VCL: variants seen among roughly 807,000 people sequenced by gnomAD.
VCL encodes vinculin, also known as epididymis luminal protein 114.
A neutral mutation model predicts 125.7 loss-of-function variants in VCL; 47 were observed. That is an observed-to-expected ratio of 0.37 (90% CI 0.30 to 0.48). The LOEUF (loss-of-function observed/expected upper bound fraction) is 0.48. Ranked by LOEUF, VCL falls within the 20% of genes least tolerant of loss-of-function variation. The probability of loss-of-function intolerance (pLI) is 0.99; values close to 1 mark genes in which losing one functional copy is unlikely to be tolerated. For missense variants in VCL, 1,069 were observed against 1,455.5 expected (o/e 0.73, Z 4.32); for synonymous variants, 458 against 514.6 (o/e 0.89, Z 1.49).
intron 8 of VCL, among the ~76,000 whole-genome samples, chr10:74,086,034 A>G (rs951647653): frequency 2.0e-5 from 3 of 152,036 alleles, no homozygotes; most frequent in Admixed American, 6.5e-5. Flanking sequence ...TGCCTGGCTA[A>G]TTTTTGTATT....
At chr10:74,114,414 TG>T in intron 20 of VCL, 27 bp downstream of exon 20, 1 of 1,163,214 alleles carries the variant, frequency 8.6e-7, no homozygotes. Flanking sequence ...GCTGCGTGTG[TG>T]TGTGTGTGTG....
At chr10:74,013,903 T>A (rs1840484491) in intron 1 of VCL, among the ~76,000 whole-genome samples, 1 of 151,630 alleles carries the variant, frequency 6.6e-6, no homozygotes, top group Non-Finnish European at 1.5e-5. Flanking sequence ...AGTGTTGATT[T>A]AAAAAAAAAA....
At position 74,043,105 on chromosome 10, in the gene VCL, C is replaced by A; in HGVS notation, c.191C>A (p.Thr64Asn). ...TAGGTTGGAAAAGAGACTGTTCAAA[C>A]CACTGAGGATCAGATTTTGAAGAGA... ...LVRVGKETVQ[T>N]TEDQILKRDM... Residue 64 changes from threonine (T) to asparagine (N), a missense_variant, in exon 2 of 22, where the codon ACC (threonine) becomes AAC (asparagine). By Grantham distance (65) the Thr-to-Asn change is moderately conservative. Transcript: ENST00000211998. 3.1e-6 allele frequency: 5 copies of A among 1,613,272 alleles called. No individual in the cohort carries two copies. The highest frequency in any genetic ancestry group is 4.2e-6 in the Non-Finnish European group (5 of 1,179,604).
chr10:74,065,087 A>G (rs2136268518), intron 2 of VCL, among the ~76,000 whole-genome samples: 1 of 152,242 alleles, frequency 6.6e-6, no homozygotes, highest in East Asian at 1.9e-4. Flanking sequence ...TTTATTAATA[A>G]AAGAAAAATG....
At chr10:74,025,152 G>T (rs954095392) in intron 1 of VCL, among the ~76,000 whole-genome samples, 14 of 152,114 alleles carry the variant, frequency 9.2e-5, no homozygotes, top group African/African-American at 3.1e-4. Context: ...AACTAGCTGG[G>T]ATTACAGGTG....
rs965054827 is a variant in VCL, at chr10:74,118,541, G to T, written c.*372G>T. 3.2e-6 allele frequency: 1 copy of T among 313,612 alleles called. No homozygotes were observed. 19.4% of individuals were successfully genotyped at this position (313,612 alleles called of 1,614,324 possible). On this transcript the variant is annotated 3_prime_UTR_variant, in exon 22 of 22. Transcript: ENST00000211998. Reference sequence around the variant, plus strand: ...ACTTCCCTCTGTTTCTCTTTCCTTGGCTCCCATTCACTCTTCCAGAATCCC... The same window carrying T: ...ACTTCCCTCTGTTTCTCTTTCCTTGTCTCCCATTCACTCTTCCAGAATCCC...
intron 18 of VCL, among the ~76,000 whole-genome samples, chr10:74,111,067 G>C (rs1269603184): frequency 6.6e-6 from 1 of 152,144 alleles, no homozygotes; most frequent in African/African-American, 2.4e-5. Flanking sequence ...AGCAATTTAG[G>C]TTGTACCCAA....
At chr10:74,096,156 T>TTC (rs1839965814) in intron 12 of VCL, among the ~76,000 whole-genome samples, 1 of 151,962 alleles carries the variant, frequency 6.6e-6, no homozygotes, top group African/African-American at 2.4e-5. Flanking sequence ...TGGACTTTTT[T>TTC]TTTTTTTTTA....
chr10:74,105,369 C>CTT lies in VCL; in HGVS notation c.2434+16_2434+17insTT, dbSNP rs752658917. The CTT allele has an allele frequency of 6.2e-7, 1 of 1,611,952 alleles. No homozygotes were observed. The highest frequency in any genetic ancestry group is 1.7e-5 in the Admixed American group (1 of 60,022). Reference sequence around the variant, plus strand: ...TCCGACCCTGGTAAGCAATGCATGGCACTATGTCTCACCTCCACTGAGAGG... The same window carrying CTT: ...TCCGACCCTGGTAAGCAATGCATGGCTTACTATGTCTCACCTCCACTGAGAGG... On this transcript the variant is annotated intron_variant, in intron 16 of 21. Transcript: ENST00000211998.
At chr10:74,087,010 C>A (rs1039084389) in intron 8 of VCL, among the ~76,000 whole-genome samples, 1 of 151,850 alleles carries the variant, frequency 6.6e-6, no homozygotes, top group African/African-American at 2.4e-5. Context: ...CAGTTGGACT[C>A]TTTTTTAAAA....
At chr10:74,006,440 TC>T (rs1840325964) in intron 1 of VCL, among the ~76,000 whole-genome samples, 1 of 152,244 alleles carries the variant, frequency 6.6e-6, no homozygotes, top group African/African-American at 2.4e-5. Flanking sequence ...GATTGGGTCC[TC>T]CTGTTACAGT....
At chr10:74,000,117 A>G (rs1840199618) in intron 1 of VCL, among the ~76,000 whole-genome samples, 1 of 152,234 alleles carries the variant, frequency 6.6e-6, no homozygotes, top group African/African-American at 2.4e-5. Flanking sequence ...GCCATGAATT[A>G]ATAAGCATTG....
chr10:74,107,856 C>T (rs1874151), intron 17 of VCL, among the ~76,000 whole-genome samples: 80,397 of 151,794 alleles, frequency 0.53, 22,244 homozygotes, highest in Middle Eastern at 0.62. Flanking sequence ...ATACCTTCCC[C>T]ACTACCCCCC....
chr10:74,023,684 T>C (rs1175147643), intron 1 of VCL, among the ~76,000 whole-genome samples: 1 of 152,200 alleles, frequency 6.6e-6, no homozygotes, highest in East Asian at 1.9e-4. Flanking sequence ...GGTAAGCAAG[T>C]GAAACAAAAG....
At position 74,118,465 on chromosome 10, in the gene VCL, C is replaced by T. The variant is rs781526146; in HGVS notation, c.*296C>T. 16 of 428,902 alleles carry T rather than the reference C, an allele frequency of 3.7e-5. No individual in the cohort carries two copies. The highest frequency in any genetic ancestry group is 6.1e-5 in the Non-Finnish European group (14 of 229,822). The allele number at this position is 428,902 out of a possible 1,614,324, so 26.6% of individuals were successfully genotyped here. On this transcript the variant is annotated 3_prime_UTR_variant, in exon 22 of 22. Transcript: ENST00000211998. Reference sequence around the variant, plus strand: ...CATGGACTTCACATAAGCTCAGAATCCAAGTGAACACTAGCCAGACACTCT... The same window carrying T: ...CATGGACTTCACATAAGCTCAGAATTCAAGTGAACACTAGCCAGACACTCT...
At chr10:74,002,610 A>G (rs4746165) in intron 1 of VCL, among the ~76,000 whole-genome samples, 51,426 of 150,296 alleles carry the variant, frequency 0.34, 9,900 homozygotes, top group African/African-American at 0.53. Context: ...TTGGCCAAGT[A>G]TGGTGGCTCA....
intron 1 of VCL, among the ~76,000 whole-genome samples, chr10:74,026,131 A>G (rs1197806316): frequency 6.6e-6 from 1 of 152,168 alleles, no homozygotes; most frequent in Non-Finnish European, 1.5e-5. Context: ...TATTGTACAC[A>G]TGGTTGAAAA....
chr10:74,070,282 T>C (rs975459144), intron 2 of VCL, among the ~76,000 whole-genome samples: 1 of 152,060 alleles, frequency 6.6e-6, no homozygotes, highest in Non-Finnish European at 1.5e-5. Context: ...GCAGTGTGTA[T>C]AGGGTGGGGA....
Position 74,074,740 on chromosome 10 carries a change from CA to C in VCL, c.623-2del. The C allele has an allele frequency of 6.2e-7, 1 of 1,611,988 alleles. No homozygotes were observed. Among genetic ancestry groups the C allele is most frequent in the Non-Finnish European group, 8.5e-7 (1 of 1,179,310 alleles). On this transcript the variant is annotated splice_acceptor_variant, in intron 5 of 21. Coordinates refer to ENST00000211998, the MANE Select transcript of VCL (RefSeq NM_014000.3). LOFTEE classifies it high-confidence loss of function. Reference sequence around the variant, plus strand: ...CTTACTTTCTGATCTTTTATTTTTACAGCTATGAAGATTTTTGTAACAACTA... The same window carrying C: ...CTTACTTTCTGATCTTTTATTTTTACGCTATGAAGATTTTTGTAACAACTA...
Sources: allele counts gnomAD v4.1 joint callset (sites outside exome capture counted in the v4.1 genomes callset), GRCh38; gene constraint gnomAD v4.1.1; transcripts MANE v1.5; gene names NCBI Gene and HGNC (gene_info 2026-07-23, HGNC 2026-07-21).